Variants in SACM1L observed in about 807,000 individuals in gnomAD.
SACM1L encodes SAC1 like phosphatidylinositide phosphatase.
A neutral mutation model predicts 89.5 loss-of-function variants in SACM1L; 32 were observed. That is an observed-to-expected ratio of 0.36 (90% CI 0.27 to 0.48). The LOEUF (loss-of-function observed/expected upper bound fraction) is 0.48, where lower values mean the gene tolerates loss of function less well. SACM1L is among the 20% of genes least tolerant of loss of function. The probability of loss-of-function intolerance (pLI) is 0.99; values close to 1 mark genes in which losing one functional copy is unlikely to be tolerated. For missense variants in SACM1L, 543 were observed against 708.5 expected, an observed-to-expected ratio of 0.77 and a Z score of 2.65; for synonymous variants, 213 against 232.8, an observed-to-expected ratio of 0.92 and a Z score of 0.77.
At chr3:45,743,497 C>T (rs767694244) in intron 19 of SACM1L, 36 bp from the exon 20 acceptor site, 74 of 1,582,124 alleles carry the variant, frequency 4.7e-5, no homozygotes, top group Middle Eastern at 3.4e-4. Flanking sequence ...TATCAACAAA[C>T]GACTTATTTA....
At chr3:45,728,271 C>G (rs1401489736) in intron 11 of SACM1L, among the ~76,000 whole-genome samples, 3 of 152,144 alleles carry the variant, frequency 2.0e-5, no homozygotes, top group Non-Finnish European at 4.4e-5. Context: ...GAGAGTTAAT[C>G]CATTTGCATT....
At chr3:45,727,898 A>G (rs1698960726) in intron 11 of SACM1L, among the ~76,000 whole-genome samples, 1 of 152,144 alleles carries the variant, frequency 6.6e-6, no homozygotes, top group African/African-American at 2.4e-5. Flanking sequence ...CCCAGCCTCT[A>G]CTATTATTAT....
intron 19 of SACM1L, among the ~76,000 whole-genome samples, chr3:45,740,260 T>G (rs1699286960): frequency 6.6e-6 from 1 of 152,196 alleles, no homozygotes; most frequent in South Asian, 2.1e-4. Context: ...AGAAGTCAGA[T>G]CTGCATTTGT....
chr3:45,723,965 G>GAC (rs139247863), intron 11 of SACM1L, among the ~76,000 whole-genome samples: 69,975 of 149,438 alleles, frequency 0.47, 16,735 homozygotes, highest in Middle Eastern at 0.57. Flanking sequence ...CACACACACA[G>GAC]ACACACACAC....
At chr3:45,718,513 A>G (rs141228554) in intron 7 of SACM1L, among the ~76,000 whole-genome samples, 1 of 152,216 alleles carries the variant, frequency 6.6e-6, no homozygotes, top group East Asian at 1.9e-4. Context: ...CTCATAAACA[A>G]TTTGCCTTTT....
intron 3 of SACM1L, 46 bp downstream of exon 3, chr3:45,705,255 G>A: frequency 8.4e-7 from 1 of 1,188,932 alleles, no homozygotes; most frequent in Non-Finnish European, 1.3e-6. Flanking sequence ...AATTAGCAAG[G>A]TAGTTAAATT....
chr3:45,706,837 T>C lies in SACM1L; in HGVS notation c.263T>C (p.Val88Ala). 6.2e-7 allele frequency: 1 copy of C among 1,612,484 alleles called. No individual in the cohort carries two copies. Among genetic ancestry groups the C allele is most frequent in the Non-Finnish European group, 8.5e-7 (1 of 1,178,708 alleles). ...KIKVGEFFSH[V>A]VWKATDFDVL... ...AAAGTAGGTGAATTTTTCAGTCATG[T>C]AGTCTGGAAAGCAACAGATTTTGAT... The change falls in exon 4 of 20, where the codon GTA becomes GCA. Residue 88 changes from valine to alanine, a missense_variant. Physicochemically the swap from Val to Ala is moderately conservative, Grantham distance 64 (BLOSUM62 0). Transcript: ENST00000389061.
At chr3:45,732,790 G>A (rs887666048) in intron 13 of SACM1L, among the ~76,000 whole-genome samples, 1 of 152,088 alleles carries the variant, frequency 6.6e-6, no homozygotes, top group African/African-American at 2.4e-5. Flanking sequence ...AGTCTTTACC[G>A]ATTTTAAAGC....
rs1244741310 is a variant in SACM1L, at chr3:45,732,137, G to A, written c.1086G>A (p.Met362Ile). The change falls in exon 13 of 20, where the codon ATG becomes ATA. Residue 362 changes from methionine to isoleucine, a missense_variant. Physicochemically the swap from Met to Ile is conservative, Grantham distance 10. Coordinates refer to ENST00000389061, the MANE Select transcript of SACM1L (RefSeq NM_014016.5). ...LSILLDQVAE[M>I]QDELSYFLVD... ...TTTTATTGGATCAGGTAGCAGAAATGCAAGATGAATTAAGGTAAGCTATAT... is the reference window on the plus strand; with the variant it reads ...TTTTATTGGATCAGGTAGCAGAAATACAAGATGAATTAAGGTAAGCTATAT... 1.3e-6 allele frequency: 2 copies of A among 1,598,044 alleles called. No homozygotes were observed. The highest frequency in any genetic ancestry group is 2.7e-5 in the African/African-American group (2 of 74,322).
intron 11 of SACM1L, among the ~76,000 whole-genome samples, chr3:45,727,612 T>A (rs1003038519): frequency 4.1e-4 from 62 of 151,508 alleles, no homozygotes; most frequent in Middle Eastern, 3.4e-3. Flanking sequence ...ACAATTTTTT[T>A]AAATTTTTTA....
At chr3:45,723,394 TAAA>T in intron 10 of SACM1L, 78 bp from the exon 11 acceptor site, 5 of 527,338 alleles carry the variant, frequency 9.5e-6, no homozygotes, top group Non-Finnish European at 1.4e-5. Context: ...GGAGGTCCTT[TAAA>T]AATATTATAA....
At chr3:45,699,733 G>A (rs1282151209) in intron 1 of SACM1L, among the ~76,000 whole-genome samples, 2 of 152,040 alleles carry the variant, frequency 1.3e-5, no homozygotes, top group African/African-American at 4.8e-5. Context: ...TGTCGGCCAG[G>A]CTGGACTCAA....
At chr3:45,722,176 C>A in intron 9 of SACM1L, 91 bp downstream of exon 9, 3 of 770,192 alleles carry the variant, frequency 3.9e-6, no homozygotes, top group East Asian at 2.8e-5. Context: ...CCTCTTTTCC[C>A]TTCTCTGTTC....
In SACM1L at chr3:45,722,019, T is replaced by C. The variant is rs1462301803; in HGVS notation, c.699T>C (p.His233=). 3 of 1,612,212 alleles carry C rather than the reference T, an allele frequency of 1.9e-6. No individual in the cohort carries two copies. Among genetic ancestry groups the C allele is most frequent in the East Asian group, 2.2e-5 (1 of 44,830 alleles). The change falls in exon 9 of 20, where the codon CAT becomes CAC. Residue 233 remains histidine (H), a synonymous_variant. Transcript: ENST00000389061. ...YYVRGIDSEG[H]AANFVETEQI... is the part of the protein sequence containing the mutation. ...ATTTAGGAATTGATTCGGAAGGCCA[T>C]GCAGCTAACTTTGTAGAAACAGAAC...
chr3:45,715,261 G>A (rs1246531527), intron 7 of SACM1L, among the ~76,000 whole-genome samples: 1 of 152,076 alleles, frequency 6.6e-6, no homozygotes, highest in Non-Finnish European at 1.5e-5. Context: ...CATGTAAGAA[G>A]CTTATCAATA....
At chr3:45,735,941 G>A (rs1699188784) in intron 14 of SACM1L, among the ~76,000 whole-genome samples, 1 of 152,010 alleles carries the variant, frequency 6.6e-6, no homozygotes. Context: ...GTCTCGGCTT[G>A]CTGCAACCTC....
chr3:45,712,479 G>T (rs1203475093), intron 5 of SACM1L, among the ~76,000 whole-genome samples: 1 of 152,142 alleles, frequency 6.6e-6, no homozygotes, highest in East Asian at 1.9e-4. Flanking sequence ...CAAGTGATCC[G>T]CCTGCCTTGG....
chr3:45,689,410 G>A lies in SACM1L; in HGVS notation c.-56G>A. 3.2e-6 allele frequency: 5 copies of A among 1,555,492 alleles called. No individual in the cohort carries two copies. The highest frequency in any genetic ancestry group is 3.5e-6 in the Non-Finnish European group (4 of 1,149,778). On this transcript the variant is annotated 5_prime_UTR_variant, in exon 1 of 20. Transcript: ENST00000389061. ...GGGTGACCGGTAGAGTTGTAGCCGA[G>A]GTGGCGGCGCGGGGCGGGGCGGGCG...
At chr3:45,717,546 G>A (rs1053665634) in intron 7 of SACM1L, among the ~76,000 whole-genome samples, 1 of 152,162 alleles carries the variant, frequency 6.6e-6, no homozygotes, top group Admixed American at 6.5e-5. Context: ...TTTGAAGTTG[G>A]ATGGTAGGTT....
Sources: allele counts gnomAD v4.1 joint callset (sites outside exome capture counted in the v4.1 genomes callset), GRCh38; gene constraint gnomAD v4.1.1; transcripts MANE v1.5; gene names NCBI Gene and HGNC (gene_info 2026-07-23, HGNC 2026-07-21).